The following RGMA variants were observed in gnomAD, a reference collection of about 807,000 sequenced individuals.
The protein encoded by RGMA is repulsive guidance molecule A.
RGMA carries 10 observed loss-of-function variants against 23.2 expected under a neutral mutation model. That is an observed-to-expected ratio of 0.43 (90% CI 0.27 to 0.73). The LOEUF is 0.73. RGMA is among the 30% of genes least tolerant of loss of function. The pLI, the probability that RGMA is intolerant of heterozygous loss-of-function variation, is 0.20. For synonymous variants in RGMA, 308 were observed against 279.3 expected, an observed-to-expected ratio of 1.10 and a Z score of -1.03; for missense variants, 547 against 630.5, an observed-to-expected ratio of 0.87 and a Z score of 1.42.
In RGMA at chr15:93,038,255, G is replaced by C. The variant is rs183516425; in HGVS notation, c.*6743C>G. On this transcript the variant is annotated 3_prime_UTR_variant, in exon 4 of 4. Transcript: ENST00000329082. ...TGTAGACTCCTGGTTAGAGGGTTTG[G>C]GGGGCAGGGGTCTTCCCATTGCAGC... 1 of 152,224 alleles carries C rather than the reference G, an allele frequency of 6.6e-6. No homozygotes were observed. Among genetic ancestry groups the C allele is most frequent in the Non-Finnish European group, 1.5e-5 (1 of 68,076 alleles). The allele number at this position is 152,224 out of a possible 1,614,324, so 9.4% of individuals were successfully genotyped here.
chr15:93,087,913 T>A (rs1271907187), intron 1 of RGMA, among the ~76,000 whole-genome samples: 1 of 151,992 alleles, frequency 6.6e-6, no homozygotes, highest in East Asian at 1.9e-4. Context: ...GTAGCCTCCT[T>A]CCTGGAGGCG....
Position 93,072,754 on chromosome 15 carries a change from C to A in RGMA, c.130+162G>T, listed in dbSNP as rs146047390. The stretch of plus-strand genomic sequence containing the variant: ...GGGTCCCCAAGGGCAGGCATCGCAC[C>A]CACGACGGGGTGCGGGAGAAACAAA... On this transcript the variant is annotated intron_variant, in intron 2 of 3. Coordinates refer to ENST00000329082, the MANE Select transcript of RGMA (RefSeq NM_020211.3). 7.2e-3 allele frequency among the ~76,000 whole-genome samples: 1,102 copies of A among 152,248 alleles called. 5 individuals carry two copies. Among genetic ancestry groups the A allele is most frequent in the Non-Finnish European group, 0.012 (797 of 68,014 alleles).
chr15:93,080,169 A>G (rs1895535838), intron 1 of RGMA, among the ~76,000 whole-genome samples: 1 of 152,190 alleles, frequency 6.6e-6, no homozygotes, highest in South Asian at 2.1e-4. Context: ...ATTGCCAAGT[A>G]TTGGATTTTA....
intron 1 of RGMA, among the ~76,000 whole-genome samples, chr15:93,079,531 C>A (rs1315997714): frequency 6.6e-6 from 1 of 152,140 alleles, no homozygotes; most frequent in East Asian, 1.9e-4. Flanking sequence ...TTTAAAATGA[C>A]CCTTCTGACC....
At chr15:93,065,555 G>T in intron 2 of RGMA, 1 of 698,864 alleles carries the variant, frequency 1.4e-6, no homozygotes, top group South Asian at 1.4e-5. Flanking sequence ...GATAGCAGAT[G>T]GCAGCTCTGG....
chr15:93,087,474 A>AAAAAC, intron 1 of RGMA, among the ~76,000 whole-genome samples: 1 of 150,434 alleles, frequency 6.6e-6, no homozygotes, highest in East Asian at 1.9e-4. Context: ...CAAAAAAAAA[A>AAAAAC]AAAAAAAAAA....
intron 1 of RGMA, among the ~76,000 whole-genome samples, chr15:93,074,590 T>C (rs72645175): frequency 2.6e-5 from 4 of 152,244 alleles, no homozygotes; most frequent in Non-Finnish European, 5.9e-5. Flanking sequence ...CCCTGAAATA[T>C]TGAGGTCTCA....
Position 93,036,941 on chromosome 15 carries a change from C to G in RGMA, c.*8057G>C, listed in dbSNP as rs185822204. The G allele has an allele frequency of 2.6e-5, 4 of 152,294 alleles. No homozygotes were observed. The highest frequency in any genetic ancestry group is 9.6e-5 in the African/African-American group (4 of 41,548). 9.4% of individuals were successfully genotyped at this position (152,294 alleles called of 1,614,324 possible). ...AGCAATGCAGGACTCGTTTCTATTT[C>G]CCAAGGAGGTAGACGTGGTGTCCAG... On this transcript the variant is annotated 3_prime_UTR_variant, in exon 4 of 4. Transcript: ENST00000329082.
chr15:93,066,577 C>T (rs1895161212), intron 2 of RGMA: 4 of 468,016 alleles, frequency 8.5e-6, no homozygotes, highest in Non-Finnish European at 1.7e-5. Flanking sequence ...GGCACTGGTA[C>T]CACCACCGCT....
intron 2 of RGMA, among the ~76,000 whole-genome samples, chr15:93,064,699 C>T (rs879176473): frequency 6.6e-6 from 1 of 152,238 alleles, no homozygotes; most frequent in Non-Finnish European, 1.5e-5. Flanking sequence ...TGAAATGGTG[C>T]ATGAAATGAA....
In RGMA at chr15:93,041,496, C is replaced by T. The variant is rs2141780770; in HGVS notation, c.*3502G>A. 6.6e-6 allele frequency: 1 copy of T among 152,328 alleles called. No individual in the cohort carries two copies. Among genetic ancestry groups the T allele is most frequent in the South Asian group, 2.1e-4 (1 of 4,828 alleles). The allele number at this position is 152,328 out of a possible 1,614,324, so 9.4% of individuals were successfully genotyped here. A position where few individuals can be genotyped will look rare whatever the true frequency, so the allele number is the denominator to read the frequency against. ...GGGCAACCAGTAGTAAGTAGCATGG[C>T]ACTTGGGAAAGAATTCCAGCCGGTT... On this transcript the variant is annotated 3_prime_UTR_variant, in exon 4 of 4. Transcript: ENST00000329082.
rs1367806984 is a variant in RGMA at position 93,045,122 on chromosome 15, T to C, written c.1229A>G (p.Lys410Arg). 1 of 1,594,840 alleles carries C rather than the reference T, an allele frequency of 6.3e-7. No individual in the cohort carries two copies. Among genetic ancestry groups the C allele is most frequent in the Non-Finnish European group, 8.5e-7 (1 of 1,170,898 alleles). ...CCGAGTCCTCTCATACAGGTGCAGT[T>C]TGTCTTTGTTGGAGTGGAGCATCTT... ...DVKMLHSNKD[K>R]LHLYERTRDL... The change falls in exon 4 of 4, where the codon AAA becomes AGA. Residue 410 changes from lysine (K) to arginine (R), a missense_variant. By Grantham distance (26) the Lys-to-Arg change is conservative. Around this residue, in one of 3 missense-constraint regions of RGMA, gnomAD observed 205 missense variants for 204.1 expected, o/e 1.00. Transcript: ENST00000329082. The surrounding 1 kb of genome is among the most constrained non-coding windows in gnomAD (Gnocchi z 6.9).
At chr15:93,071,684 C>G (rs760508872) in intron 2 of RGMA, among the ~76,000 whole-genome samples, 71 of 152,340 alleles carry the variant, frequency 4.7e-4, no homozygotes, top group Middle Eastern at 3.4e-3. Flanking sequence ...AGCCCCAACT[C>G]ACAGCCAGGC....
rs192300459 is a variant in RGMA, at chr15:93,048,346, G to C, written c.646-2641C>G. ...GGCAAGGCTGGGAGGAGCTGAACGA[G>C]GGGCAGGCTGCTGGAGGACTTTACA... On this transcript the variant is annotated intron_variant, in intron 3 of 3. Coordinates refer to ENST00000329082, the MANE Select transcript of RGMA (RefSeq NM_020211.3). Among the ~76,000 whole-genome samples, 116 of 152,244 alleles carry C rather than the reference G, an allele frequency of 7.6e-4. 1 individual carries two copies. Among genetic ancestry groups the C allele is most frequent in the East Asian group, 4.4e-3 (23 of 5,186 alleles).
intron 2 of RGMA, among the ~76,000 whole-genome samples, chr15:93,057,968 G>A (rs1465114223): frequency 1.3e-5 from 2 of 152,126 alleles, no homozygotes; most frequent in Non-Finnish European, 2.9e-5. Context: ...TTTCCTGCCT[G>A]TCACAACCCC....
intron 2 of RGMA, among the ~76,000 whole-genome samples, chr15:93,063,632 C>T (rs955611139): frequency 1.3e-5 from 2 of 152,224 alleles, no homozygotes; most frequent in Admixed American, 6.5e-5. Flanking sequence ...GCAGACCCTA[C>T]CTTTAACCTA....
intron 2 of RGMA, among the ~76,000 whole-genome samples, chr15:93,068,208 A>G (rs1416879787): frequency 6.6e-6 from 1 of 152,192 alleles, no homozygotes; most frequent in African/African-American, 2.4e-5. Flanking sequence ...CTTCAAAGAA[A>G]TACTGTCTTC....
At chr15:93,081,193 C>T (rs1251835114) in intron 1 of RGMA, among the ~76,000 whole-genome samples, 1 of 152,122 alleles carries the variant, frequency 6.6e-6, no homozygotes, top group Non-Finnish European at 1.5e-5. Context: ...AGCCTGGCTG[C>T]CCCAGGAGAT....
chr15:93,088,146 T>G, intron 1 of RGMA: 1 of 602,376 alleles, frequency 1.7e-6, no homozygotes, highest in Non-Finnish European at 2.1e-6. Flanking sequence ...AAATCTCAAT[T>G]TGGGAGAACT....
Sources: allele counts gnomAD v4.1 joint callset (sites outside exome capture counted in the v4.1 genomes callset), GRCh38; gene constraint gnomAD v4.1.1; regional missense constraint gnomAD v4.1.1; non-coding constraint Gnocchi (gnomAD v3.1); transcripts MANE v1.5; gene names NCBI Gene and HGNC (gene_info 2026-07-23, HGNC 2026-07-21).